The following DIAPH3 variants were observed in gnomAD, a reference collection of about 807,000 sequenced individuals.
DIAPH3 encodes the protein protein diaphanous homolog 3.
DIAPH3 carries 117 observed loss-of-function variants against 144.3 expected under a neutral mutation model. The observed-to-expected ratio is 0.81, with a 90% confidence interval of 0.70 to 0.95. DIAPH3 has a LOEUF of 0.95. Among genes scored for constraint, DIAPH3 ranks in the 40% least tolerant of loss-of-function variants. The pLI is 0.00. For missense variants in DIAPH3, 1,421 were observed against 1,412.7 expected (o/e 1.01, Z -0.09); for synonymous variants, 519 against 488.9 (o/e 1.06, Z -0.81).
chr13:59,697,239 C>T (rs2033849459), intron 27 of DIAPH3, among the ~76,000 whole-genome samples: 1 of 151,472 alleles, frequency 6.6e-6, no homozygotes, highest in South Asian at 2.1e-4. Flanking sequence ...GCGGGCGGAT[C>T]ACGAGATCAG....
At chr13:59,932,702 T>C (rs1215820537) in intron 17 of DIAPH3, among the ~76,000 whole-genome samples, 1 of 152,190 alleles carries the variant, frequency 6.6e-6, no homozygotes, top group African/African-American at 2.4e-5. Flanking sequence ...AGTAAGGTAA[T>C]CCTCTTCTAC....
intron 25 of DIAPH3, among the ~76,000 whole-genome samples, chr13:59,786,540 T>C (rs1033226134): frequency 1.3e-5 from 2 of 152,206 alleles, no homozygotes; most frequent in Non-Finnish European, 2.9e-5. Flanking sequence ...ATCTGCTCAC[T>C]TAATTGTCTA....
chr13:59,857,164 G>A (rs1029898141), intron 22 of DIAPH3, among the ~76,000 whole-genome samples: 7 of 152,106 alleles, frequency 4.6e-5, no homozygotes, highest in African/African-American at 1.7e-4. Flanking sequence ...GAAGGCTATA[G>A]CAACAAAGAG....
At chr13:59,944,234 A>G (rs1301621407) in intron 17 of DIAPH3, among the ~76,000 whole-genome samples, 1 of 151,842 alleles carries the variant, frequency 6.6e-6, no homozygotes, top group African/African-American at 2.4e-5. Context: ...ATGATGGAGG[A>G]CTTAGAAAGT....
intron 3 of DIAPH3, among the ~76,000 whole-genome samples, chr13:60,098,391 G>A (rs553018606): frequency 6.8e-4 from 103 of 152,190 alleles, no homozygotes; most frequent in African/African-American, 2.3e-3. Flanking sequence ...CAGAATCCTA[G>A]TTCTGATGAG....
intron 5 of DIAPH3, among the ~76,000 whole-genome samples, chr13:60,035,090 T>C (rs533597170): frequency 1.7e-3 from 260 of 152,240 alleles, no homozygotes; most frequent in African/African-American, 5.8e-3. Context: ...ACAGCATATA[T>C]AGATATAGAT....
At position 59,955,338 on chromosome 13, in the gene DIAPH3, A is replaced by G. The variant is rs374103520; in HGVS notation, c.2074+14606T>C. On this transcript the variant is annotated intron_variant, in intron 17 of 27. Coordinates refer to ENST00000400324, the MANE Select transcript of DIAPH3 (RefSeq NM_001042517.2). The stretch of plus-strand genomic sequence containing the variant: ...GTTGTCATGATAGTGAATAAGTTTC[A>G]TGAGAGCTGATATTTTTATAAAGGG... Among the ~76,000 whole-genome samples, 18 of 152,118 alleles carry G rather than the reference A, an allele frequency of 1.2e-4. No individual in the cohort carries two copies. The South Asian group carries it at 1.9e-3, about 16-fold the overall frequency.
chr13:59,800,379 G>A (rs1252365905), intron 25 of DIAPH3, among the ~76,000 whole-genome samples: 2 of 152,088 alleles, frequency 1.3e-5, no homozygotes, highest in Non-Finnish European at 2.9e-5. Context: ...CATAAAATGG[G>A]AATTATCTCA....
At chr13:59,935,436 G>A (rs2048217404) in intron 17 of DIAPH3, among the ~76,000 whole-genome samples, 1 of 152,088 alleles carries the variant, frequency 6.6e-6, no homozygotes. Context: ...ATGGAGAATA[G>A]GCAAACGACT....
intron 27 of DIAPH3, among the ~76,000 whole-genome samples, chr13:59,733,786 CCA>C (rs2036003273): frequency 6.6e-6 from 1 of 152,248 alleles, no homozygotes; most frequent in South Asian, 2.1e-4. Context: ...GCACCCATCA[CCA>C]CAGTCATCAC....
chr13:59,767,392 T>C (rs1316430437), intron 27 of DIAPH3, among the ~76,000 whole-genome samples: 2 of 151,920 alleles, frequency 1.3e-5, no homozygotes, highest in Non-Finnish European at 2.9e-5. Flanking sequence ...AACAAATCAG[T>C]AATCAAACGA....
chr13:59,785,050 T>G (rs1357965511), intron 25 of DIAPH3, among the ~76,000 whole-genome samples: 1 of 152,224 alleles, frequency 6.6e-6, no homozygotes, highest in Non-Finnish European at 1.5e-5. Flanking sequence ...AAACAAAGTC[T>G]TTGAACTTGT....
At position 59,794,083 on chromosome 13, in the gene DIAPH3, G is replaced by A. The variant is rs557704194; in HGVS notation, c.3163+16705C>T. On this transcript the variant is annotated intron_variant, in intron 25 of 27. Coordinates refer to ENST00000400324, the MANE Select transcript of DIAPH3 (RefSeq NM_001042517.2). ...ATATTCAATACTTGATTACAAAATAGGTTCTGTGTTATATGATTTTGCCCA... is the reference window on the plus strand; with the variant it reads ...ATATTCAATACTTGATTACAAAATAAGTTCTGTGTTATATGATTTTGCCCA... Among the ~76,000 whole-genome samples, 29 of 152,260 alleles carry A rather than the reference G, an allele frequency of 1.9e-4. 1 individual carries two copies. The highest frequency in any genetic ancestry group is 6.5e-4 in the Admixed American group (10 of 15,310).
chr13:60,010,733 G>A (rs553979893), intron 7 of DIAPH3, 64 bp from the exon 8 acceptor site: 4 of 1,513,180 alleles, frequency 2.6e-6, no homozygotes, highest in Non-Finnish European at 3.6e-6. Context: ...ATACCCTGAA[G>A]GAAATGTAGT....
At chr13:60,070,810 C>T (rs944810839) in intron 4 of DIAPH3, among the ~76,000 whole-genome samples, 5 of 152,136 alleles carry the variant, frequency 3.3e-5, no homozygotes, top group African/African-American at 1.2e-4. Context: ...AATTATTTTC[C>T]ATTTTCACTA....
At chr13:60,078,020 T>C (rs978125580) in intron 4 of DIAPH3, among the ~76,000 whole-genome samples, 2 of 152,104 alleles carry the variant, frequency 1.3e-5, no homozygotes, top group Non-Finnish European at 2.9e-5. Flanking sequence ...TTAAAACAGA[T>C]TGTATACCTG....
At chr13:60,017,558 A>G (rs1374666316) in intron 5 of DIAPH3, among the ~76,000 whole-genome samples, 1 of 152,226 alleles carries the variant, frequency 6.6e-6, no homozygotes, top group African/African-American at 2.4e-5. Flanking sequence ...CAACATATTT[A>G]TATAAAAAAT....
At chr13:60,045,250 G>A (rs2055988005) in intron 4 of DIAPH3, among the ~76,000 whole-genome samples, 2 of 151,988 alleles carry the variant, frequency 1.3e-5, no homozygotes, top group Admixed American at 1.3e-4. Context: ...TGAGGCAGGA[G>A]AATCGCTTGA....
intron 4 of DIAPH3, among the ~76,000 whole-genome samples, chr13:60,055,318 C>G (rs1198165317): frequency 6.6e-6 from 1 of 151,846 alleles, no homozygotes; most frequent in Non-Finnish European, 1.5e-5. Flanking sequence ...CAATATTTAA[C>G]CAGCACGACC....
Sources: allele counts gnomAD v4.1 joint callset (sites outside exome capture counted in the v4.1 genomes callset), GRCh38; gene constraint gnomAD v4.1.1; transcripts MANE v1.5; gene names NCBI Gene and HGNC (gene_info 2026-07-23, HGNC 2026-07-21).